PCDH15: variants seen among roughly 807,000 people sequenced by gnomAD.
PCDH15 encodes the protein protocadherin-15.
In PCDH15, 129 loss-of-function variants were observed where a neutral mutation model predicts 178.5. The observed-to-expected ratio is 0.72, with a 90% confidence interval of 0.63 to 0.84. PCDH15 has a LOEUF of 0.84. Ranked by LOEUF, PCDH15 falls within the 40% of genes least tolerant of loss-of-function variation. The pLI is 0.00. For missense variants in PCDH15, 2,230 were observed against 2,099.9 expected, an observed-to-expected ratio of 1.06 and a Z score of -1.21; for synonymous variants, 800 against 732.0, an observed-to-expected ratio of 1.09 and a Z score of -1.50.
At chr10:54,656,998 G>A (rs56359215) in intron 2 of PCDH15, among the ~76,000 whole-genome samples, 10,066 of 152,146 alleles carry the variant, frequency 0.066, 415 homozygotes, top group East Asian at 0.15. Flanking sequence ...CTGCCACAGA[G>A]GCTTCCATGA....
At chr10:55,354,375 A>C (rs1431250296) in intron 2 of PCDH15, among the ~76,000 whole-genome samples, 1 of 152,104 alleles carries the variant, frequency 6.6e-6, no homozygotes, top group Non-Finnish European at 1.5e-5. Context: ...ATAGGGCACA[A>C]TCGGACTTAA....
At chr10:54,266,010 G>A (rs541376659) in intron 8 of PCDH15, among the ~76,000 whole-genome samples, 9 of 151,498 alleles carry the variant, frequency 5.9e-5, no homozygotes, top group Non-Finnish European at 1.3e-4. Context: ...CATACTCTAA[G>A]AGTGATCACA....
intron 3 of PCDH15, among the ~76,000 whole-genome samples, chr10:54,510,369 T>C (rs2081544485): frequency 6.6e-6 from 1 of 152,178 alleles, no homozygotes; most frequent in Admixed American, 6.6e-5. Context: ...AATTGGAGCA[T>C]CGGTGACAGG....
chr10:55,040,494 T>TACAACA (rs71461272), intron 2 of PCDH15, among the ~76,000 whole-genome samples: 44,533 of 149,692 alleles, frequency 0.3, 7,456 homozygotes, highest in East Asian at 0.48. Context: ...CCAAAACAAC[T>TACAACA]ACAACAACAA....
chr10:54,069,834 A>G (rs2135846319), intron 17 of PCDH15, among the ~76,000 whole-genome samples: 1 of 152,308 alleles, frequency 6.6e-6, no homozygotes, highest in South Asian at 2.1e-4. Context: ...AAATTAGCAA[A>G]TGAAAACAGA....
chr10:54,120,720 G>T (rs1590608850), intron 15 of PCDH15, among the ~76,000 whole-genome samples: 1 of 152,050 alleles, frequency 6.6e-6, no homozygotes, highest in Non-Finnish European at 1.5e-5. Context: ...TAATGATAAA[G>T]GGTTCAATTC....
intron 2 of PCDH15, among the ~76,000 whole-genome samples, chr10:55,138,350 A>T (rs566874951): frequency 2.1e-4 from 32 of 152,228 alleles, no homozygotes; most frequent in African/African-American, 7.0e-4. Flanking sequence ...ATCATAAGCT[A>T]TATGTGTGAT....
At chr10:54,668,615 T>TA (rs1390696341) in intron 1 of PCDH15, among the ~76,000 whole-genome samples, 1 of 152,212 alleles carries the variant, frequency 6.6e-6, no homozygotes, top group Non-Finnish European at 1.5e-5. Context: ...TTTTTCTGTT[T>TA]ATCCCTGCTC....
intron 25 of PCDH15, chr10:53,905,082 C>T: frequency 2.2e-6 from 1 of 462,524 alleles, no homozygotes; most frequent in Non-Finnish European, 4.4e-6. Context: ...GTAACCAAAT[C>T]CTACATGTCA....
intron 2 of PCDH15, among the ~76,000 whole-genome samples, chr10:54,912,237 T>A (rs568368272): frequency 2.9e-4 from 44 of 152,056 alleles, no homozygotes; most frequent in Non-Finnish European, 5.1e-4. Context: ...AATATGAAAT[T>A]AAAAATTTTA....
intron 3 of PCDH15, among the ~76,000 whole-genome samples, chr10:54,876,566 G>C (rs371197820): frequency 1.3e-5 from 2 of 152,168 alleles, no homozygotes; most frequent in South Asian, 2.1e-4. Context: ...ACACCAACTG[G>C]AATTAGGAAG....
chr10:54,288,841 A>G (rs2059204230), intron 8 of PCDH15, among the ~76,000 whole-genome samples: 1 of 152,196 alleles, frequency 6.6e-6, no homozygotes, highest in African/African-American at 2.4e-5. Context: ...AGGCTTGAGT[A>G]GGTAAACAAA....
intron 28 of PCDH15, among the ~76,000 whole-genome samples, chr10:53,850,391 C>A (rs2132922083): frequency 6.6e-6 from 1 of 152,074 alleles, no homozygotes; most frequent in South Asian, 2.1e-4. Context: ...ACTATGATTT[C>A]TTTAATCATA....
At chr10:55,060,517 A>T (rs1841403595) in intron 2 of PCDH15, among the ~76,000 whole-genome samples, 1 of 151,992 alleles carries the variant, frequency 6.6e-6, no homozygotes, top group South Asian at 2.1e-4. Context: ...AGGACCAAGT[A>T]TTATGTATAA....
At position 53,851,427 on chromosome 10, in the gene PCDH15, T is replaced by G. The variant is rs567640793; in HGVS notation, c.3806+5748A>C. ...CTTACAATCTGTAACTATTTATTTT[T>G]TAACTAATAAATCCCCAGCTCTAAG... On this transcript the variant is annotated intron_variant, in intron 28 of 37. Coordinates refer to ENST00000644397, the MANE Select transcript of PCDH15 (RefSeq NM_001384140.1). 2.0e-5 allele frequency among the ~76,000 whole-genome samples: 3 copies of G among 151,772 alleles called. No homozygotes were observed. In the South Asian group the frequency reaches 6.2e-4, roughly 32 times the overall value.
chr10:53,919,302 T>G (rs571985248), intron 25 of PCDH15, among the ~76,000 whole-genome samples: 1 of 152,282 alleles, frequency 6.6e-6, no homozygotes, highest in Admixed American at 6.5e-5. Context: ...ATTCGAAGGA[T>G]CTACTACATT....
At chr10:54,039,677 A>G (rs1307037257) in intron 18 of PCDH15, among the ~76,000 whole-genome samples, 3 of 152,122 alleles carry the variant, frequency 2.0e-5, no homozygotes, top group East Asian at 3.9e-4. Flanking sequence ...AAATAAATCT[A>G]TAAACCATCC....
chr10:54,230,718 T>C (rs1785311788), intron 9 of PCDH15, among the ~76,000 whole-genome samples: 1 of 152,118 alleles, frequency 6.6e-6, no homozygotes, highest in Admixed American at 6.6e-5. Context: ...GACACCAACA[T>C]TTTAGTTGCC....
At chr10:54,066,674 G>A in intron 18 of PCDH15, 83 bp downstream of exon 18, 1 of 1,391,440 alleles carries the variant, frequency 7.2e-7, no homozygotes. Flanking sequence ...TACATTAGCT[G>A]AGTTTCTTTT....
Sources: gnomAD v4.1 joint callset for allele counts (sites outside exome capture counted in the v4.1 genomes callset) on GRCh38, gnomAD v4.1.1 for gene constraint, MANE v1.5 for transcripts, NCBI Gene and HGNC (gene_info 2026-07-23, HGNC 2026-07-21) for gene names.